Variants in ZNF385D observed in about 807,000 individuals in gnomAD.
ZNF385D encodes the protein zinc finger protein 385D.
A neutral mutation model predicts 35.8 loss-of-function variants in ZNF385D; 15 were observed. That is an observed-to-expected ratio of 0.42 (90% CI 0.28 to 0.64). The LOEUF is 0.64. ZNF385D is among the 30% of genes least tolerant of loss of function. The pLI is 0.23. For missense variants in ZNF385D, 474 were observed against 494.6 expected, an observed-to-expected ratio of 0.96 and a Z score of 0.39; for synonymous variants, 212 against 186.8, an observed-to-expected ratio of 1.13 and a Z score of -1.10.
At chr3:22,203,781 G>T (rs1696963931) in intron 2 of ZNF385D, among the ~76,000 whole-genome samples, 1 of 152,124 alleles carries the variant, frequency 6.6e-6, no homozygotes, top group Non-Finnish European at 1.5e-5. Context: ...AAGTGGGAAT[G>T]ACTTTGTCTT....
chr3:21,711,170 T>G (rs2068093367), intron 1 of ZNF385D, among the ~76,000 whole-genome samples: 1 of 147,592 alleles, frequency 6.8e-6, no homozygotes, highest in African/African-American at 2.5e-5. Flanking sequence ...GCCTCCCGAG[T>G]AGCTGGGACT....
intron 3 of ZNF385D, among the ~76,000 whole-genome samples, chr3:21,944,500 T>C (rs1339001935): frequency 1.3e-5 from 2 of 152,184 alleles, no homozygotes. Flanking sequence ...AAGAGGAACT[T>C]TTCTGCTGGT....
At chr3:21,884,070 T>C (rs1250708973) in intron 3 of ZNF385D, among the ~76,000 whole-genome samples, 2 of 151,982 alleles carry the variant, frequency 1.3e-5, no homozygotes, top group South Asian at 2.1e-4. Context: ...TGCGGATGGT[T>C]TGCAAAGAAA....
intron 3 of ZNF385D, among the ~76,000 whole-genome samples, chr3:21,805,674 C>T (rs1048782669): frequency 2.0e-5 from 3 of 152,156 alleles, no homozygotes; most frequent in Non-Finnish European, 2.9e-5. Flanking sequence ...TTCTCCTTAT[C>T]CTGTCCTAAT....
intron 3 of ZNF385D, among the ~76,000 whole-genome samples, chr3:21,904,202 G>A (rs1179225121): frequency 1.3e-5 from 2 of 150,896 alleles, no homozygotes; most frequent in Non-Finnish European, 2.9e-5. Flanking sequence ...TACTCTGGAG[G>A]CTGAGGCAGG....
At chr3:21,686,453 T>C (rs867622711) in intron 1 of ZNF385D, among the ~76,000 whole-genome samples, 1 of 152,222 alleles carries the variant, frequency 6.6e-6, no homozygotes, top group African/African-American at 2.4e-5. Flanking sequence ...TATCGCAATA[T>C]AATGTGAGCC....
intron 4 of ZNF385D, among the ~76,000 whole-genome samples, chr3:21,492,653 G>A (rs1171487841): frequency 2.6e-5 from 4 of 151,778 alleles, no homozygotes; most frequent in Non-Finnish European, 4.4e-5. Context: ...GTGTGATGGC[G>A]AACACCTATA....
intron 3 of ZNF385D, among the ~76,000 whole-genome samples, chr3:21,955,382 T>C (rs1391331): frequency 0.32 from 48,237 of 151,892 alleles, 8,802 homozygotes; most frequent in African/African-American, 0.46. Flanking sequence ...CCCCCAAAAA[T>C]AGGGAGGAAG....
chr3:22,293,320 A>C (rs933326927), intron 2 of ZNF385D, among the ~76,000 whole-genome samples: 1 of 152,100 alleles, frequency 6.6e-6, no homozygotes, highest in Admixed American at 6.6e-5. Flanking sequence ...TACTCATCTC[A>C]ATTAGTGATC....
intron 2 of ZNF385D, among the ~76,000 whole-genome samples, chr3:22,244,299 G>A (rs1173629845): frequency 2.3e-5 from 3 of 132,804 alleles, no homozygotes; most frequent in African/African-American, 8.3e-5. Context: ...TCTTTGGAGA[G>A]TTTTAAGATA....
chr3:21,727,307 GC>G (rs1387920336), intron 1 of ZNF385D, among the ~76,000 whole-genome samples: 1 of 152,078 alleles, frequency 6.6e-6, no homozygotes, highest in Non-Finnish European at 1.5e-5. Flanking sequence ...GGCAACAAAA[GC>G]CAAAATTGAC....
chr3:21,629,850 C>A (rs1481632393), intron 2 of ZNF385D, among the ~76,000 whole-genome samples: 2 of 152,132 alleles, frequency 1.3e-5, no homozygotes, highest in African/African-American at 4.8e-5. Flanking sequence ...GACTCTAGAA[C>A]TGCTTTAATG....
chr3:22,362,016 G>A (rs1412092733), intron 2 of ZNF385D, among the ~76,000 whole-genome samples: 1 of 151,212 alleles, frequency 6.6e-6, no homozygotes, highest in Non-Finnish European at 1.5e-5. Flanking sequence ...GCAGACGTTT[G>A]TTATTATTAG....
chr3:22,350,453 T>C (rs1333159979), intron 2 of ZNF385D, among the ~76,000 whole-genome samples: 1 of 152,138 alleles, frequency 6.6e-6, no homozygotes, highest in East Asian at 1.9e-4. Context: ...GCCCTATTAA[T>C]GATCAAAGTT....
intron 3 of ZNF385D, among the ~76,000 whole-genome samples, chr3:21,944,918 T>A (rs1679242): frequency 0.86 from 131,490 of 152,042 alleles, 57,072 homozygotes; most frequent in East Asian, 0.98. Context: ...AGCAGTACAG[T>A]TGAGTACTTC....
At chr3:21,869,154 C>T (rs967706897) in intron 3 of ZNF385D, among the ~76,000 whole-genome samples, 8 of 151,954 alleles carry the variant, frequency 5.3e-5, no homozygotes, top group African/African-American at 9.7e-5. Context: ...CTCATTAGCA[C>T]GTAGATTAAG....
intron 3 of ZNF385D, among the ~76,000 whole-genome samples, chr3:22,048,560 C>G (rs1011723585): frequency 2.0e-5 from 3 of 152,166 alleles, no homozygotes; most frequent in Admixed American, 1.3e-4. Flanking sequence ...ACAACAAATA[C>G]ATGAATTTAT....
chr3:21,856,067 G>A (rs1696696020), intron 3 of ZNF385D, among the ~76,000 whole-genome samples: 1 of 152,006 alleles, frequency 6.6e-6, no homozygotes, highest in South Asian at 2.1e-4. Context: ...TTCACTAGCT[G>A]AAGCATAAGT....
chr3:21,828,968 T>A (rs1694826349), intron 3 of ZNF385D, among the ~76,000 whole-genome samples: 3 of 152,150 alleles, frequency 2.0e-5, no homozygotes, highest in Non-Finnish European at 4.4e-5. Flanking sequence ...GTCTCCCTCT[T>A]ACAAGGACCC....
Sources: allele counts gnomAD v4.1 joint callset (sites outside exome capture counted in the v4.1 genomes callset), GRCh38; gene constraint gnomAD v4.1.1; transcripts MANE v1.5; gene names NCBI Gene and HGNC (gene_info 2026-07-23, HGNC 2026-07-21).